Variants in HDAC4 observed in about 807,000 individuals in gnomAD.
The protein encoded by HDAC4 is histone deacetylase 4.
A neutral mutation model predicts 135.1 loss-of-function variants in HDAC4; 16 were observed. The observed-to-expected ratio is 0.12, with a 90% CI of 0.08 to 0.18. HDAC4 has a LOEUF of 0.18. Ranked by LOEUF, HDAC4 falls within the 10% of genes least tolerant of loss-of-function variation. The pLI is 1.00. For missense variants in HDAC4, 1,143 were observed against 1,511.8 expected (o/e 0.76, Z 4.05); for synonymous variants, 685 against 653.4 (o/e 1.05, Z -0.74).
intron 1 of HDAC4, among the ~76,000 whole-genome samples, chr2:239,383,672 A>G (rs1424097137): frequency 6.6e-6 from 1 of 151,968 alleles, no homozygotes; most frequent in Non-Finnish European, 1.5e-5. Context: ...AAAGCGCGGC[A>G]ACGACACCGC....
chr2:239,324,806 G>A (rs916976812), intron 2 of HDAC4, among the ~76,000 whole-genome samples: 5 of 152,206 alleles, frequency 3.3e-5, no homozygotes, highest in Non-Finnish European at 5.9e-5. Context: ...GGGACGCAGC[G>A]ACAGGGACGG....
rs1484101546 is a variant in HDAC4 at position 239,051,443 on chromosome 2, AT to A, written c.*1653del. On this transcript the variant is annotated 3_prime_UTR_variant, in exon 27 of 27. Transcript: ENST00000543185. Reference sequence around the variant, plus strand: ...GGTAAAAAAAAATGTACAAGCAAGAATTCAGAAAGGAAAAAGATTTAGACAT... The same window carrying A: ...GGTAAAAAAAAATGTACAAGCAAGAATCAGAAAGGAAAAAGATTTAGACAT... 3.3e-5 allele frequency: 5 copies of A among 152,452 alleles called. No homozygotes were observed. The highest frequency in any genetic ancestry group is 4.8e-5 in the African/African-American group (2 of 41,478). 9.4% of individuals were successfully genotyped at this position (152,452 alleles called of 1,614,324 possible). A position where few individuals can be genotyped will look rare whatever the true frequency, so the allele number is the denominator to read the frequency against.
At chr2:239,098,683 C>T (rs2037339823) in intron 16 of HDAC4, among the ~76,000 whole-genome samples, 1 of 152,190 alleles carries the variant, frequency 6.6e-6, no homozygotes, top group Admixed American at 6.5e-5. Context: ...GGCTTAGCGG[C>T]TTGTGGATTC....
At chr2:239,208,273 G>A (rs1299180932) in intron 3 of HDAC4, among the ~76,000 whole-genome samples, 4 of 141,422 alleles carry the variant, frequency 2.8e-5, no homozygotes, top group African/African-American at 5.4e-5. Context: ...CCTGCAGTGA[G>A]CCGAGATCGC....
chr2:239,197,813 T>C (rs74479106), intron 3 of HDAC4, among the ~76,000 whole-genome samples: 1 of 151,344 alleles, frequency 6.6e-6, no homozygotes, highest in Non-Finnish European at 1.5e-5. Flanking sequence ...TCTTGTCTAG[T>C]CTCTGAAGAT....
At chr2:239,202,939 C>T (rs1258539108) in intron 3 of HDAC4, among the ~76,000 whole-genome samples, 1 of 152,182 alleles carries the variant, frequency 6.6e-6, no homozygotes, top group Non-Finnish European at 1.5e-5. Context: ...CCTGTCCACG[C>T]CGCCTGAGCA....
At position 239,378,028 on chromosome 2, in the gene HDAC4, T is replaced by A. The variant is rs563903601; in HGVS notation, c.-220+22950A>T. On this transcript the variant is annotated intron_variant, in intron 1 of 26. Transcript: ENST00000543185. The stretch of plus-strand genomic sequence containing the variant: ...TGGCCATTGTCCTCCAGGGGAGACG[T>A]CGCGTCCTGAGGCATCCCCTCTGTC... Among the ~76,000 whole-genome samples the A allele has an allele frequency of 2.6e-5, 4 of 152,298 alleles. No homozygotes were observed. The South Asian group carries it at 6.2e-4, about 24-fold the overall frequency.
chr2:239,136,246 T>C (rs1465030541), intron 9 of HDAC4, among the ~76,000 whole-genome samples: 1 of 152,212 alleles, frequency 6.6e-6, no homozygotes, highest in Non-Finnish European at 1.5e-5. Flanking sequence ...TCTACCTCCA[T>C]GACAGCAACG....
In HDAC4 at chr2:239,120,365, A is replaced by AGG. The variant is rs1559466533; in HGVS notation, c.1534-5056_1534-5055insCC. 5.1e-3 allele frequency among the ~76,000 whole-genome samples: 688 copies of AGG among 135,632 alleles called. 5 individuals carry two copies. Among genetic ancestry groups the AGG allele is most frequent in the African/African-American group, 0.018 (631 of 34,334 alleles). The allele number at this position is 135,632 out of a possible 152,430, so 89.0% of individuals were successfully genotyped here. Reference sequence around the variant, plus strand: ...CACATACAGATACATACACACACAGATACATATACCCGCAGAGGCACACAC... The same window carrying AGG: ...CACATACAGATACATACACACACAGAGGTACATATACCCGCAGAGGCACACAC... On this transcript the variant is annotated intron_variant, in intron 12 of 26. Transcript: ENST00000543185.
Position 239,134,322 on chromosome 2 carries a change from C to A in HDAC4, c.1217G>T (p.Gly406Val). 6.2e-7 allele frequency: 1 copy of A among 1,613,888 alleles called. No homozygotes were observed. The change falls in exon 11 of 27, where the codon GGA (glycine) becomes GTA (valine). Residue 406 changes from glycine to valine, a missense_variant. By Grantham distance (109) the Gly-to-Val change is moderately radical (BLOSUM62 -3). Transcript: ENST00000543185. ...CAGAAGAGGGCTGTGCGCTGCCCCT[C>A]CGTCCCGCTCCAAGGGCGAGGTGCT... ...YLSTSPLERDGGAAHSPLLQH... is the reference protein window; with the variant it reads ...YLSTSPLERDVGAAHSPLLQH...
At chr2:239,395,921 C>T (rs1696526991) in intron 1 of HDAC4, among the ~76,000 whole-genome samples, 1 of 152,302 alleles carries the variant, frequency 6.6e-6, no homozygotes, top group Non-Finnish European at 1.5e-5. Flanking sequence ...ACACTTAAGA[C>T]TTTTCTAGAG....
intron 4 of HDAC4, among the ~76,000 whole-genome samples, chr2:239,187,786 G>C (rs1034664888): frequency 6.6e-6 from 1 of 152,210 alleles, no homozygotes; most frequent in African/African-American, 2.4e-5. Flanking sequence ...GAGTGTGCTT[G>C]TTAAAGTGGA....
At chr2:239,154,244 G>C (rs1472606214) in intron 7 of HDAC4, among the ~76,000 whole-genome samples, 1 of 152,090 alleles carries the variant, frequency 6.6e-6, no homozygotes, top group Non-Finnish European at 1.5e-5. Context: ...TGCTGGGCTT[G>C]GTGCTCTCGC....
intron 23 of HDAC4, among the ~76,000 whole-genome samples, chr2:239,067,880 C>T (rs2033726795): frequency 6.6e-6 from 1 of 152,182 alleles, no homozygotes; most frequent in African/African-American, 2.4e-5. Flanking sequence ...ATGCTTGGGC[C>T]TCGGGAGGCT....
intron 12 of HDAC4, among the ~76,000 whole-genome samples, chr2:239,123,837 G>A (rs1303535310): frequency 6.6e-6 from 1 of 152,134 alleles, no homozygotes; most frequent in African/African-American, 2.4e-5. Context: ...TGCTCTTGCT[G>A]GGATCCTGGT....
At position 239,385,861 on chromosome 2, in the gene HDAC4, C is replaced by T. The variant is rs80049938; in HGVS notation, c.-220+15117G>A. On this transcript the variant is annotated intron_variant, in intron 1 of 26. Coordinates refer to ENST00000543185, the MANE Select transcript of HDAC4 (RefSeq NM_001378414.1). Reference sequence around the variant, plus strand: ...GAATCAAAAAGAGGCCACTGGGCCCCGGAAAGCGGTCCAAGACAGTCTCCT... The same window carrying T: ...GAATCAAAAAGAGGCCACTGGGCCCTGGAAAGCGGTCCAAGACAGTCTCCT... Among the ~76,000 whole-genome samples the T allele has an allele frequency of 7.4e-3, 1,133 of 152,276 alleles. 11 individuals are homozygous for T. The highest frequency in any genetic ancestry group is 0.026 in the African/African-American group (1,085 of 41,554).
At chr2:239,062,963 C>T (rs62189528) in intron 24 of HDAC4, among the ~76,000 whole-genome samples, 23,903 of 152,128 alleles carry the variant, frequency 0.16, 1,967 homozygotes, top group African/African-American at 0.18. Context: ...GGCTGCAGGT[C>T]CCAAGGGGCT....
chr2:239,277,050 G>T (rs1170989005), intron 2 of HDAC4, among the ~76,000 whole-genome samples: 1 of 152,052 alleles, frequency 6.6e-6, no homozygotes, highest in African/African-American at 2.4e-5. Context: ...CCTGCTGGTG[G>T]CACCTGGGAC....
chr2:239,247,457 G>A (rs1056761126), intron 2 of HDAC4, among the ~76,000 whole-genome samples: 4 of 152,204 alleles, frequency 2.6e-5, no homozygotes, highest in African/African-American at 4.8e-5. Flanking sequence ...CACACAGTAC[G>A]TGCGGGGCGA....
Sources: gnomAD v4.1 joint callset for allele counts (sites outside exome capture counted in the v4.1 genomes callset) on GRCh38, gnomAD v4.1.1 for gene constraint, MANE v1.5 for transcripts, NCBI Gene and HGNC (gene_info 2026-07-23, HGNC 2026-07-21) for gene names.